PTPRD: variants seen among roughly 807,000 people sequenced by gnomAD.
The protein encoded by PTPRD is protein tyrosine phosphatase receptor type D.
PTPRD carries 34 observed loss-of-function variants against 214.5 expected under a neutral mutation model. That is an observed-to-expected ratio of 0.16 (90% CI 0.12 to 0.21). The LOEUF is 0.21. PTPRD is among the 10% of genes least tolerant of loss of function. The probability of loss-of-function intolerance (pLI) is 1.00; values close to 1 mark genes in which losing one functional copy is unlikely to be tolerated. For synonymous variants in PTPRD, 1,128 were observed against 845.7 expected, an observed-to-expected ratio of 1.33 and a Z score of -5.79; for missense variants, 2,545 against 2,398.7, an observed-to-expected ratio of 1.06 and a Z score of -1.27.
intron 14 of PTPRD, among the ~76,000 whole-genome samples, chr9:8,533,693 A>C (rs951923067): frequency 6.6e-6 from 1 of 151,952 alleles, no homozygotes; most frequent in Non-Finnish European, 1.5e-5. Flanking sequence ...CCGTAATAAT[A>C]GTTAGTATGT....
At chr9:8,749,425 C>T (rs551446748) in intron 11 of PTPRD, among the ~76,000 whole-genome samples, 7 of 152,232 alleles carry the variant, frequency 4.6e-5, no homozygotes, top group African/African-American at 1.2e-4. Context: ...TGGCCTCAAA[C>T]GATCCACCCA....
intron 5 of PTPRD, among the ~76,000 whole-genome samples, chr9:9,888,690 A>C (rs1464087208): frequency 1.2e-4 from 19 of 152,160 alleles, no homozygotes. Flanking sequence ...CAGCAGATAC[A>C]GATTCTTGTG....
chr9:9,698,568 T>C (rs1428609014), intron 7 of PTPRD, among the ~76,000 whole-genome samples: 1 of 152,166 alleles, frequency 6.6e-6, no homozygotes, highest in African/African-American at 2.4e-5. Context: ...TTGGCTGGGA[T>C]AGAACAAAGT....
intron 2 of PTPRD, among the ~76,000 whole-genome samples, chr9:10,610,487 C>A (rs2080678197): frequency 1.3e-5 from 2 of 150,404 alleles, no homozygotes; most frequent in African/African-American, 2.4e-5. Flanking sequence ...TACAATCTTC[C>A]CCTTTATTTT....
chr9:9,271,056 C>G (rs1942698787), intron 9 of PTPRD, among the ~76,000 whole-genome samples: 1 of 151,194 alleles, frequency 6.6e-6, no homozygotes, highest in Non-Finnish European at 1.5e-5. Context: ...TATGCGGCTT[C>G]CAGGTGGAGA....
intron 9 of PTPRD, among the ~76,000 whole-genome samples, chr9:9,274,003 C>T (rs1483165291): frequency 6.6e-6 from 1 of 151,294 alleles, no homozygotes; most frequent in Non-Finnish European, 1.5e-5. Flanking sequence ...GCCACATCCT[C>T]CTATGATCCT....
chr9:9,392,864 C>T (rs2066372128), intron 9 of PTPRD, among the ~76,000 whole-genome samples: 1 of 152,038 alleles, frequency 6.6e-6, no homozygotes, highest in Non-Finnish European at 1.5e-5. Context: ...AACTATATTA[C>T]AGTAATTAGA....
intron 3 of PTPRD, among the ~76,000 whole-genome samples, chr9:10,062,239 A>C (rs542861984): frequency 6.6e-6 from 1 of 152,120 alleles, no homozygotes. Flanking sequence ...AGACTTTTCT[A>C]TCCACAGCGT....
chr9:9,139,064 A>C (rs1239739988), intron 10 of PTPRD, among the ~76,000 whole-genome samples: 1 of 152,080 alleles, frequency 6.6e-6, no homozygotes. Flanking sequence ...AAATTTGGGT[A>C]TCATCTATTC....
intron 34 of PTPRD, among the ~76,000 whole-genome samples, chr9:8,442,935 G>A (rs931909982): frequency 1.3e-5 from 2 of 151,754 alleles, no homozygotes; most frequent in Non-Finnish European, 2.9e-5. Flanking sequence ...CATTCCAGGA[G>A]TTTCTGTCCA....
At chr9:9,787,299 C>T (rs899005867) in intron 5 of PTPRD, among the ~76,000 whole-genome samples, 2 of 151,638 alleles carry the variant, frequency 1.3e-5, no homozygotes, top group African/African-American at 2.4e-5. Flanking sequence ...AGTGCTACCT[C>T]ACCAAGCTCA....
chr9:10,539,185 C>CT (rs898100804), intron 2 of PTPRD, among the ~76,000 whole-genome samples: 1 of 152,100 alleles, frequency 6.6e-6, no homozygotes, highest in Non-Finnish European at 1.5e-5. Flanking sequence ...TTGTTTATCA[C>CT]TTTTTTGTTG....
At chr9:9,403,453 C>G (rs1431862071) in intron 8 of PTPRD, among the ~76,000 whole-genome samples, 1 of 146,356 alleles carries the variant, frequency 6.8e-6, no homozygotes, top group Non-Finnish European at 1.5e-5. Flanking sequence ...CAAATCATAT[C>G]CGAAGTAAGA....
chr9:10,455,299 A>G (rs79658856), intron 2 of PTPRD, among the ~76,000 whole-genome samples: 6,981 of 151,670 alleles, frequency 0.046, 236 homozygotes, highest in South Asian at 0.13. Flanking sequence ...TTCAGTTACT[A>G]AGGTATTTAT....
chr9:9,404,576 A>T lies in PTPRD; in HGVS notation c.-236-7094T>A, dbSNP rs2072462764. On this transcript the variant is annotated intron_variant, in intron 8 of 45. Transcript: ENST00000381196. ...AAAAATACACGTTTACTGTATCTGT[A>T]TCAGCTGTGTTGATTAGCGTCAACA... Among the ~76,000 whole-genome samples the T allele has an allele frequency of 2.0e-5, 3 of 152,100 alleles. No individual in the cohort carries two copies. The South Asian group carries it at 6.2e-4, about 31-fold the overall frequency.
At chr9:8,938,366 G>A (rs1036275985) in intron 11 of PTPRD, among the ~76,000 whole-genome samples, 2 of 152,106 alleles carry the variant, frequency 1.3e-5, no homozygotes, top group African/African-American at 4.8e-5. Context: ...TACGGTTTCT[G>A]AGCTGAGTGA....
intron 3 of PTPRD, among the ~76,000 whole-genome samples, chr9:10,146,534 A>G (rs1296384469): frequency 6.6e-6 from 1 of 152,104 alleles, no homozygotes; most frequent in Admixed American, 6.6e-5. Flanking sequence ...CCAAGAAGCT[A>G]AAGATCATAG....
chr9:8,888,784 A>G (rs1049863097), intron 11 of PTPRD, among the ~76,000 whole-genome samples: 11 of 152,212 alleles, frequency 7.2e-5, no homozygotes, highest in African/African-American at 2.2e-4. Context: ...AGCATGTTGC[A>G]TGCAAAGCAT....
At chr9:8,951,532 C>G (rs898479010) in intron 11 of PTPRD, among the ~76,000 whole-genome samples, 1 of 151,966 alleles carries the variant, frequency 6.6e-6, no homozygotes, top group Non-Finnish European at 1.5e-5. Context: ...TACCTAGTAG[C>G]TGTTTTACGT....
Sources: gnomAD v4.1 joint callset for allele counts (sites outside exome capture counted in the v4.1 genomes callset) on GRCh38, gnomAD v4.1.1 for gene constraint, MANE v1.5 for transcripts, NCBI Gene and HGNC (gene_info 2026-07-23, HGNC 2026-07-21) for gene names.